Variants in PIP5K1B observed in about 807,000 individuals in gnomAD.
The protein encoded by PIP5K1B is phosphatidylinositol-4-phosphate 5-kinase type 1 beta.
PIP5K1B carries 42 observed loss-of-function variants against 67.0 expected under a neutral mutation model. The ratio of observed to expected loss-of-function variants is 0.63; its 90% CI spans 0.49 to 0.81. PIP5K1B has a LOEUF of 0.81. Among genes scored for constraint, PIP5K1B ranks in the 30% least tolerant of loss-of-function variants. The probability of loss-of-function intolerance (pLI) is 0.00; values close to 1 mark genes in which losing one functional copy is unlikely to be tolerated. For synonymous variants in PIP5K1B, 214 were observed against 231.4 expected (o/e 0.92, Z 0.68); for missense variants, 459 against 646.3 (o/e 0.71, Z 3.14).
At chr9:68,914,084 T>A (rs749066386) in intron 8 of PIP5K1B, among the ~76,000 whole-genome samples, 61 of 152,280 alleles carry the variant, frequency 4.0e-4, no homozygotes, top group Non-Finnish European at 7.4e-4. Flanking sequence ...ATTTCATTTT[T>A]AAAAAAATCT....
Position 68,930,793 on chromosome 9 carries a change from A to G in PIP5K1B, c.1202-4097A>G, listed in dbSNP as rs560637123. Among the ~76,000 whole-genome samples, 8 of 152,226 alleles carry G rather than the reference A, an allele frequency of 5.3e-5. No homozygotes were observed. The East Asian group carries it at 1.5e-3, about 29-fold the overall frequency. On this transcript the variant is annotated intron_variant, in intron 12 of 15. Transcript: ENST00000265382. ...ATAATAATAATGCTAAAGGAAATAA[A>G]CGTCCATGGATTCCCTGGTGCCCAA... is the stretch of plus-strand genomic sequence containing the variant.
chr9:68,745,468 T>G (rs879603653), intron 2 of PIP5K1B, among the ~76,000 whole-genome samples: 14 of 152,220 alleles, frequency 9.2e-5, no homozygotes, highest in Admixed American at 2.0e-4. Context: ...CTTAGCGGCT[T>G]GTTTGACACA....
At chr9:68,887,985 T>G (rs1232048128) in intron 6 of PIP5K1B, among the ~76,000 whole-genome samples, 2 of 150,344 alleles carry the variant, frequency 1.3e-5, no homozygotes, top group Non-Finnish European at 3.0e-5. Context: ...CAGCCTTTTT[T>G]TTTTTTTTTT....
chr9:68,733,961 A>G (rs1174020520), intron 1 of PIP5K1B, among the ~76,000 whole-genome samples: 1 of 152,178 alleles, frequency 6.6e-6, no homozygotes, highest in Non-Finnish European at 1.5e-5. Context: ...TTAAAGGATC[A>G]TTTAACTAGT....
rs76675629 is a variant in PIP5K1B at position 68,978,861 on chromosome 9, G to A, written c.1503-12279G>A. ...AGTTCCCTTCTGCCCCTTCTTAGAC[G>A]TGACCCGAAGGGCTTTTCTCCTTCG... On this transcript the variant is annotated intron_variant, in intron 14 of 15. Transcript: ENST00000265382. Among the ~76,000 whole-genome samples, 897 of 152,178 alleles carry A rather than the reference G, an allele frequency of 5.9e-3. 8 individuals carry two copies. Among genetic ancestry groups the A allele is most frequent in the African/African-American group, 0.021 (853 of 41,526 alleles).
chr9:68,730,110 A>G (rs983253086), intron 1 of PIP5K1B, among the ~76,000 whole-genome samples: 2 of 152,236 alleles, frequency 1.3e-5, no homozygotes, highest in Non-Finnish European at 2.9e-5. Flanking sequence ...AAAAAGAGAC[A>G]TAATGTTGTG....
intron 2 of PIP5K1B, among the ~76,000 whole-genome samples, chr9:68,770,830 T>A (rs1830641999): frequency 6.6e-6 from 1 of 152,178 alleles, no homozygotes; most frequent in Admixed American, 6.5e-5. Flanking sequence ...ACCGCTGCTG[T>A]AGTGGGTTTG....
chr9:68,781,186 G>A, intron 2 of PIP5K1B: 1 of 982,870 alleles, frequency 1.0e-6, no homozygotes, highest in Non-Finnish European at 1.5e-6. Context: ...GAACTTCTAT[G>A]TCAGGTTCCT....
chr9:68,745,165 C>T (rs977728005), intron 2 of PIP5K1B, among the ~76,000 whole-genome samples: 1 of 152,200 alleles, frequency 6.6e-6, no homozygotes, highest in Admixed American at 6.5e-5. Flanking sequence ...GAGCCTCATG[C>T]TCTCCAGGTA....
intron 8 of PIP5K1B, among the ~76,000 whole-genome samples, chr9:68,895,630 T>G (rs1023121737): frequency 0.055 from 22 of 400 alleles, no homozygotes; most frequent in Non-Finnish European, 0.26. Context: ...CTGTTTCTGT[T>G]TTTTTTTTTT....
At chr9:68,857,902 G>A (rs1822862869) in intron 4 of PIP5K1B, among the ~76,000 whole-genome samples, 2 of 151,992 alleles carry the variant, frequency 1.3e-5, no homozygotes, top group African/African-American at 4.8e-5. Flanking sequence ...AATAAATGGG[G>A]AGGCTGGTCA....
intron 12 of PIP5K1B, among the ~76,000 whole-genome samples, chr9:68,924,493 A>G (rs2132549791): frequency 6.6e-6 from 1 of 152,020 alleles, no homozygotes; most frequent in East Asian, 1.9e-4. Flanking sequence ...CAGAAGAGCA[A>G]ACTAAACCCA....
At chr9:68,996,145 C>T (rs897006619) in intron 15 of PIP5K1B, among the ~76,000 whole-genome samples, 11 of 152,214 alleles carry the variant, frequency 7.2e-5, no homozygotes, top group Admixed American at 2.6e-4. Flanking sequence ...ACCCAAATGA[C>T]GTATGCCCAC....
intron 14 of PIP5K1B, among the ~76,000 whole-genome samples, chr9:68,959,956 T>C (rs1324201441): frequency 3.9e-5 from 6 of 152,352 alleles, no homozygotes; most frequent in Non-Finnish European, 8.8e-5. Context: ...CTTTCACCTT[T>C]GTTCTGGGAA....
intron 4 of PIP5K1B, among the ~76,000 whole-genome samples, chr9:68,853,401 T>C (rs1324882140): frequency 6.6e-6 from 1 of 152,158 alleles, no homozygotes; most frequent in Non-Finnish European, 1.5e-5. Context: ...TGATATGTCA[T>C]GAGTAACCCA....
intron 14 of PIP5K1B, among the ~76,000 whole-genome samples, chr9:68,957,231 A>G (rs1828447414): frequency 6.7e-6 from 1 of 150,198 alleles, no homozygotes; most frequent in African/African-American, 2.5e-5. Flanking sequence ...GGAAATAGAA[A>G]AAGAAAAAAA....
In PIP5K1B at chr9:68,923,489, G is replaced by A. The variant is rs374998481; in HGVS notation, c.1201+103G>A. The A allele has an allele frequency of 3.5e-3, 2,151 of 616,558 alleles. 8 individuals carry two copies. The highest frequency in any genetic ancestry group is 8.3e-3 in the Middle Eastern group (19 of 2,284). The allele number at this position is 616,558 out of a possible 1,614,324, so 38.2% of individuals were successfully genotyped here. On this transcript the variant is annotated intron_variant, in intron 12 of 15. Coordinates refer to ENST00000265382, the MANE Select transcript of PIP5K1B (RefSeq NM_003558.4). ...GAACTAACACATTTCTCTCCCTGCA[G>A]CAGTAATCACTTAGTAATTATGGTT... is the stretch of plus-strand genomic sequence containing the variant.
intron 4 of PIP5K1B, among the ~76,000 whole-genome samples, chr9:68,844,162 C>T (rs895084267): frequency 2.0e-5 from 3 of 152,200 alleles, no homozygotes; most frequent in Non-Finnish European, 4.4e-5. Flanking sequence ...TCCATAGGCT[C>T]ATGGAAGCTT....
chr9:68,958,283 A>G (rs936820478), intron 14 of PIP5K1B, among the ~76,000 whole-genome samples: 6 of 152,212 alleles, frequency 3.9e-5, no homozygotes, highest in Non-Finnish European at 8.8e-5. Flanking sequence ...GGGTTCTGTT[A>G]GCAAAGACAG....
Sources: gnomAD v4.1 joint callset for allele counts (sites outside exome capture counted in the v4.1 genomes callset) on GRCh38, gnomAD v4.1.1 for gene constraint, MANE v1.5 for transcripts, NCBI Gene and HGNC (gene_info 2026-07-23, HGNC 2026-07-21) for gene names.